The following NUP188 variants were observed in gnomAD, a reference collection of about 807,000 sequenced individuals.
NUP188 encodes nucleoporin 188.
A neutral mutation model predicts 223.0 loss-of-function variants in NUP188; 97 were observed. The observed-to-expected ratio is 0.43, with a 90% CI of 0.37 to 0.51. The LOEUF is 0.51. Among genes scored for constraint, NUP188 ranks in the 20% least tolerant of loss-of-function variants. NUP188 has a pLI of 0.00. For missense variants in NUP188, 1,947 were observed against 2,175.6 expected (o/e 0.89, Z 2.09); for synonymous variants, 869 against 828.0 (o/e 1.05, Z -0.85).
In NUP188 at chr9:129,006,546, C is replaced by T. The variant is rs778039794; in HGVS notation, c.5118C>T (p.Ala1706=). The T allele has an allele frequency of 6.2e-7, 1 of 1,614,128 alleles. No homozygotes were observed. The highest frequency in any genetic ancestry group is 2.2e-5 in the East Asian group (1 of 44,878). Residue 1706 remains alanine, a synonymous_variant, in exon 44 of 44, where the codon GCC becomes GCT. Transcript: ENST00000372577. The stretch of plus-strand genomic sequence containing the variant: ...TCTCGCGCTACTTCCGCCGGGGAGC[C>T]CCCAGCTCCCCTGCCACTGGTGTCC... ...SSLSRYFRRG[A]PSSPATGVLP...
Position 129,006,721 on chromosome 9 carries a change from A to C in NUP188, c.*43A>C, listed in dbSNP as rs368069138. The C allele has an allele frequency of 2.7e-5, 42 of 1,563,972 alleles. No individual in the cohort carries two copies. In the African/African-American group the frequency reaches 4.6e-4, roughly 17 times the overall value. On this transcript the variant is annotated 3_prime_UTR_variant, in exon 44 of 44. Coordinates refer to ENST00000372577, the MANE Select transcript of NUP188 (RefSeq NM_015354.3). ...CACCTACCCCTCTCCACCAGCCTAC[A>C]CTGCACCCTGGCTGGCAGGGGTGCT...
chr9:128,949,772 G>T (rs986100436), intron 2 of NUP188, among the ~76,000 whole-genome samples: 3 of 152,100 alleles, frequency 2.0e-5, no homozygotes, highest in Non-Finnish European at 4.4e-5. Flanking sequence ...GAGATTACAG[G>T]TGCATGCCAC....
chr9:128,970,936 C>A lies in NUP188; in HGVS notation c.1091C>A (p.Ser364Tyr), dbSNP rs1197937173. 2 of 1,613,864 alleles carry A rather than the reference C, an allele frequency of 1.2e-6. No individual in the cohort carries two copies. Among genetic ancestry groups the A allele is most frequent in the Admixed American group, 3.3e-5 (2 of 59,988 alleles). The change falls in exon 11 of 44, where the codon TCC becomes TAC. Residue 364 changes from serine to tyrosine, a missense_variant. Ser to Tyr is a moderately radical substitution (Grantham distance 144). Around this residue, in one of 3 missense-constraint regions of NUP188, gnomAD observed 817 missense variants for 865.8 expected, o/e 0.94. Coordinates refer to ENST00000372577, the MANE Select transcript of NUP188 (RefSeq NM_015354.3). ...VFQYLTRLLQSLASGGNDCTT... is the reference protein window; with the variant it reads ...VFQYLTRLLQYLASGGNDCTT... ...CAGTACTTGACCCGATTGCTCCAGTCCCTTGCCAGTGGGGGAAATGATGTG... is the reference window on the plus strand; with the variant it reads ...CAGTACTTGACCCGATTGCTCCAGTACCTTGCCAGTGGGGGAAATGATGTG...
intron 10 of NUP188, among the ~76,000 whole-genome samples, chr9:128,970,207 C>T (rs1156842312): frequency 6.6e-6 from 1 of 152,212 alleles, no homozygotes; most frequent in Non-Finnish European, 1.5e-5. Context: ...GAATTACAGG[C>T]TTGAGCCACC....
chr9:128,948,463 C>T (rs948693416), intron 1 of NUP188: 1 of 152,142 alleles, frequency 6.6e-6, no homozygotes, highest in Non-Finnish European at 1.5e-5. Context: ...TTATCTCATT[C>T]AATTCTCGCA....
intron 2 of NUP188, among the ~76,000 whole-genome samples, chr9:128,951,771 T>C (rs959330943): frequency 2.6e-5 from 4 of 151,916 alleles, no homozygotes; most frequent in African/African-American, 7.3e-5. Flanking sequence ...GTGTAATACT[T>C]AGTGTGATTC....
Position 128,998,236 on chromosome 9 carries a change from T to C in NUP188, c.3429+8T>C. On this transcript the variant is annotated splice_region_variant and intron_variant, in intron 31 of 43. Coordinates refer to ENST00000372577, the MANE Select transcript of NUP188 (RefSeq NM_015354.3). ...GATGGAACCAAAGCATTAGTAAGTG[T>C]GTCTGGGAGATTTTACATTTCTCCC... The C allele has an allele frequency of 1.2e-6, 2 of 1,609,902 alleles. No homozygotes were observed. Among genetic ancestry groups the C allele is most frequent in the Non-Finnish European group, 1.7e-6 (2 of 1,176,138 alleles).
In NUP188 at chr9:129,001,498, C is replaced by T. The variant is rs779629228; in HGVS notation, c.3844-31C>T. On this transcript the variant is annotated intron_variant, in intron 34 of 43. Transcript: ENST00000372577. ...TCCTCTTCCTCCTCCTCTTCTTCTT[C>T]CCCCTTTTACTCATCTTTGCCTCTG... is the stretch of plus-strand genomic sequence containing the variant. The T allele has an allele frequency of 2.9e-5, 46 of 1,598,988 alleles. No homozygotes were observed. In the South Asian group the frequency reaches 5.1e-4, roughly 18 times the overall value.
chr9:128,971,697 C>T (rs540787134), intron 11 of NUP188, among the ~76,000 whole-genome samples: 1 of 152,096 alleles, frequency 6.6e-6, no homozygotes, highest in African/African-American at 2.4e-5. Context: ...GGATTACAGG[C>T]GTGAGCCACC....
intron 13 of NUP188, among the ~76,000 whole-genome samples, chr9:128,979,845 G>A (rs1399815200): frequency 1.3e-5 from 2 of 152,150 alleles, no homozygotes; most frequent in African/African-American, 4.8e-5. Flanking sequence ...TGTTGGCCAG[G>A]CTGGTCTCGA....
chr9:128,988,882 C>T (rs1197866295), intron 24 of NUP188, among the ~76,000 whole-genome samples: 1 of 151,420 alleles, frequency 6.6e-6, no homozygotes, highest in Admixed American at 6.6e-5. Flanking sequence ...ATCTGTCCCA[C>T]GCCCGGCTAA....
In NUP188 at chr9:129,005,546, T is replaced by C; in HGVS notation, c.4737+16T>C. ...GCTGGATCAGGTACTGCCCATCATC[T>C]GTTCAGCACCACCTCCCCTAAAGGC... On this transcript the variant is annotated intron_variant, in intron 40 of 43. Transcript: ENST00000372577. 1 of 1,609,812 alleles carries C rather than the reference T, an allele frequency of 6.2e-7. No homozygotes were observed. The highest frequency in any genetic ancestry group is 8.5e-7 in the Non-Finnish European group (1 of 1,179,690).
Position 129,002,973 on chromosome 9 carries a change from C to G in NUP188, c.4294C>G (p.Gln1432Glu). The G allele has an allele frequency of 6.2e-7, 1 of 1,613,868 alleles. No homozygotes were observed. Among genetic ancestry groups the G allele is most frequent in the Non-Finnish European group, 8.5e-7 (1 of 1,179,904 alleles). ...GGGTGTCCACCAGGAGCGGACCTTA[C>G]AGGTGAGGGGCTGCCTGCATTGCAG... is the stretch of plus-strand genomic sequence containing the variant. ...FVGVHQERTL[Q>E]CLNAVRTVQS... Residue 1432 changes from glutamine (Q) to glutamate (E), a missense_variant and splice_region_variant, in exon 37 of 44, where the codon CAG becomes GAG. Physicochemically the swap from Gln to Glu is conservative, Grantham distance 29. This residue lies in a region of NUP188 where 905 missense variants were observed against 990.6 expected (regional missense o/e 0.91). Transcript: ENST00000372577.
At chr9:128,968,467 T>C (rs756891787) in intron 8 of NUP188, 39 bp from the exon 9 acceptor site, 1 of 1,489,868 alleles carries the variant, frequency 6.7e-7, no homozygotes, top group South Asian at 1.1e-5. Context: ...TTTAATCTCA[T>C]GTTATTTCTC....
intron 6 of NUP188, 81 bp from the exon 7 acceptor site, chr9:128,958,721 A>T: frequency 1.5e-6 from 1 of 666,714 alleles, no homozygotes; most frequent in Non-Finnish European, 2.4e-6. Flanking sequence ...CCACATCTTT[A>T]AGTGAAATTA....
intron 38 of NUP188, chr9:129,003,866 G>A (rs913815450): frequency 1.6e-5 from 5 of 303,710 alleles, no homozygotes; most frequent in South Asian, 5.5e-5. Flanking sequence ...CCAGCTACTC[G>A]GGAGGCTGAG....
intron 20 of NUP188, 39 bp downstream of exon 20, chr9:128,985,053 A>G (rs770422076): frequency 1.0e-5 from 15 of 1,432,862 alleles, no homozygotes; most frequent in Non-Finnish European, 1.5e-5. Flanking sequence ...AGAAAAAGAA[A>G]AGGTCCAGTC....
intron 38 of NUP188, chr9:129,003,736 G>A (rs924251585): frequency 3.4e-5 from 15 of 446,456 alleles, no homozygotes; most frequent in Non-Finnish European, 5.4e-5. Context: ...GCTCACGCCT[G>A]TAATCCTAGC....
chr9:128,963,139 TAGCC>T (rs1212089517), intron 8 of NUP188, among the ~76,000 whole-genome samples: 3 of 152,230 alleles, frequency 2.0e-5, no homozygotes, highest in Non-Finnish European at 4.4e-5. Flanking sequence ...TCTCAGTTGA[TAGCC>T]AGCCATTTGT....
Sources: gnomAD v4.1 joint callset for allele counts (sites outside exome capture counted in the v4.1 genomes callset) on GRCh38, gnomAD v4.1.1 for gene constraint, gnomAD v4.1.1 regional missense constraint, MANE v1.5 for transcripts, NCBI Gene and HGNC (gene_info 2026-07-23, HGNC 2026-07-21) for gene names.